Variants in ACER3 observed in about 807,000 individuals in gnomAD.
The protein encoded by ACER3 is alkaline ceramidase 3, also known as alkCDase 3.
In ACER3, 16 loss-of-function variants were observed where a neutral mutation model predicts 48.9. The observed-to-expected ratio is 0.33, with a 90% CI of 0.22 to 0.50. ACER3 has a LOEUF of 0.50. Ranked by LOEUF, ACER3 falls within the 20% of genes least tolerant of loss-of-function variation. The pLI, the probability that ACER3 is intolerant of heterozygous loss-of-function variation, is 0.98. For synonymous variants in ACER3, 109 were observed against 107.8 expected (o/e 1.01, Z -0.07); for missense variants, 227 against 326.0 (o/e 0.70, Z 2.34).
chr11:76,992,418 CA>C (rs1217619974), intron 6 of ACER3, among the ~76,000 whole-genome samples: 1 of 152,142 alleles, frequency 6.6e-6, no homozygotes, highest in African/African-American at 2.4e-5. Flanking sequence ...TAATAAAAAA[CA>C]ACTCTTACTA....
chr11:76,934,092 C>T (rs1401857141), intron 2 of ACER3, among the ~76,000 whole-genome samples: 11 of 151,770 alleles, frequency 7.2e-5, no homozygotes, highest in Admixed American at 5.2e-4. Flanking sequence ...GATGGGATGG[C>T]GGCCAGGAAG....
At chr11:76,926,339 A>G (rs1946829164) in intron 1 of ACER3, among the ~76,000 whole-genome samples, 1 of 152,056 alleles carries the variant, frequency 6.6e-6, no homozygotes, top group Admixed American at 6.6e-5. Flanking sequence ...CTGGTGGAAA[A>G]TTTTTAGTTT....
intron 7 of ACER3, among the ~76,000 whole-genome samples, chr11:77,004,258 G>A (rs7105694): frequency 0.71 from 108,103 of 152,076 alleles, 38,827 homozygotes; most frequent in Non-Finnish European, 0.77. Context: ...TATAAATCAC[G>A]TTAGTTGCAT....
At chr11:76,971,939 G>A (rs963579993) in intron 3 of ACER3, among the ~76,000 whole-genome samples, 1 of 152,156 alleles carries the variant, frequency 6.6e-6, no homozygotes, top group African/African-American at 2.4e-5. Flanking sequence ...AAGCCTGTTC[G>A]CATCTGTTGT....
At chr11:76,864,254 C>A (rs1945016806) in intron 1 of ACER3, among the ~76,000 whole-genome samples, 1 of 152,214 alleles carries the variant, frequency 6.6e-6, no homozygotes, top group African/African-American at 2.4e-5. Flanking sequence ...AGCCCCTTGA[C>A]CTGCCAGAAG....
chr11:77,010,454 A>C (rs1949241262), intron 7 of ACER3, among the ~76,000 whole-genome samples: 1 of 150,490 alleles, frequency 6.6e-6, no homozygotes, highest in South Asian at 2.1e-4. Flanking sequence ...AAGACATGGC[A>C]GATAGAATAG....
rs540902816 is a variant in ACER3, at chr11:77,026,634, C to G, written c.*6307C>G. 6.6e-6 allele frequency: 1 copy of G among 152,268 alleles called. No homozygotes were observed. Among genetic ancestry groups the G allele is most frequent in the South Asian group, 2.1e-4 (1 of 4,822 alleles). The allele number at this position is 152,268 out of a possible 1,614,324, so 9.4% of individuals were successfully genotyped here. Reference sequence around the variant, plus strand: ...ACTATTTTCAGGTAATCTCAGTCTGCTTATTCACTTTTTCCATTTGATTTG... The same window carrying G: ...ACTATTTTCAGGTAATCTCAGTCTGGTTATTCACTTTTTCCATTTGATTTG... On this transcript the variant is annotated 3_prime_UTR_variant, in exon 11 of 11. Coordinates refer to ENST00000532485, the MANE Select transcript of ACER3 (RefSeq NM_018367.7).
At chr11:76,949,785 G>A (rs1021390951) in intron 2 of ACER3, among the ~76,000 whole-genome samples, 3 of 152,124 alleles carry the variant, frequency 2.0e-5, no homozygotes. Flanking sequence ...CTCCAGCCCT[G>A]CCTACCTCTT....
intron 7 of ACER3, among the ~76,000 whole-genome samples, chr11:77,004,148 C>T (rs1056037898): frequency 6.6e-6 from 1 of 152,202 alleles, no homozygotes; most frequent in Non-Finnish European, 1.5e-5. Context: ...ACTCACAGAA[C>T]TCAGCAAAGC....
chr11:76,877,021 ATAT>A (rs959074985), intron 1 of ACER3, among the ~76,000 whole-genome samples: 1 of 152,198 alleles, frequency 6.6e-6, no homozygotes, highest in Non-Finnish European at 1.5e-5. Context: ...AGAGTATGTC[ATAT>A]TATACCATGC....
intron 2 of ACER3, among the ~76,000 whole-genome samples, chr11:76,938,368 G>A (rs1204854116): frequency 6.6e-6 from 1 of 152,104 alleles, no homozygotes; most frequent in Non-Finnish European, 1.5e-5. Context: ...ACCTAGGCTG[G>A]AATGCAATGG....
chr11:76,949,972 A>G (rs1334062790), intron 2 of ACER3, among the ~76,000 whole-genome samples: 2 of 152,042 alleles, frequency 1.3e-5, no homozygotes, highest in East Asian at 3.9e-4. Flanking sequence ...TACCATATGT[A>G]TTTTCACCTT....
chr11:76,868,341 A>G (rs1376219628), intron 1 of ACER3: 9 of 1,208,294 alleles, frequency 7.4e-6, no homozygotes, highest in Non-Finnish European at 9.6e-6. Context: ...AAATGAAAGG[A>G]CAAATTGAGT....
At chr11:76,931,392 A>G (rs1443139771) in intron 2 of ACER3, among the ~76,000 whole-genome samples, 3 of 149,600 alleles carry the variant, frequency 2.0e-5, no homozygotes, top group Non-Finnish European at 3.0e-5. Context: ...TGAATACAGC[A>G]CACTGATGGG....
intron 4 of ACER3, among the ~76,000 whole-genome samples, chr11:76,980,346 A>G (rs1166178586): frequency 6.6e-6 from 1 of 152,194 alleles, no homozygotes; most frequent in Non-Finnish European, 1.5e-5. Flanking sequence ...AAAGAATCAG[A>G]TAACCATCAT....
intron 3 of ACER3, among the ~76,000 whole-genome samples, chr11:76,959,728 A>AT (rs1382136159): frequency 6.6e-6 from 1 of 151,694 alleles, no homozygotes; most frequent in African/African-American, 2.4e-5. Flanking sequence ...AATTTTTTAT[A>AT]TTTTTAGTAG....
chr11:76,937,104 A>C (rs1340969032), intron 2 of ACER3, among the ~76,000 whole-genome samples: 2 of 152,210 alleles, frequency 1.3e-5, no homozygotes, highest in Non-Finnish European at 2.9e-5. Flanking sequence ...GAAAGATATA[A>C]AAAATAGCTC....
chr11:76,933,394 A>G (rs1229738007), intron 2 of ACER3, among the ~76,000 whole-genome samples: 1 of 146,222 alleles, frequency 6.8e-6, no homozygotes, highest in African/African-American at 2.4e-5. Context: ...CAAGTGAACA[A>G]AGGTCTCTGG....
intron 4 of ACER3, among the ~76,000 whole-genome samples, chr11:76,978,027 T>C (rs1045933507): frequency 8.5e-5 from 13 of 152,142 alleles, no homozygotes; most frequent in African/African-American, 2.4e-5. Flanking sequence ...CTCTGGACTT[T>C]AGGCACTGAC....
Sources: gnomAD v4.1 joint callset for allele counts (sites outside exome capture counted in the v4.1 genomes callset) on GRCh38, gnomAD v4.1.1 for gene constraint, MANE v1.5 for transcripts, NCBI Gene and HGNC (gene_info 2026-07-23, HGNC 2026-07-21) for gene names.